UNC45A: variants seen among roughly 807,000 people sequenced by gnomAD.
UNC45A encodes unc-45 myosin chaperone A.
UNC45A carries 78 observed loss-of-function variants against 103.2 expected under a neutral mutation model. The ratio of observed to expected loss-of-function variants is 0.76; its 90% confidence interval spans 0.63 to 0.91. The LOEUF (loss-of-function observed/expected upper bound fraction) is 0.91, where lower values mean the gene tolerates loss of function less well. UNC45A is among the 40% of genes least tolerant of loss of function. UNC45A has a pLI of 0.00. For missense variants in UNC45A, 1,193 were observed against 1,224.8 expected (o/e 0.97, Z 0.39); for synonymous variants, 495 against 504.6 (o/e 0.98, Z 0.25).
rs377017456 is a variant in UNC45A, at chr15:90,941,838, A to T, written c.688-599A>T. ...GCCGGGTGCGGTGGCGGGCGCCTGT[A>T]ATCCCAGTTACTCAGGAGGCTGAGG... On this transcript the variant is annotated intron_variant, in intron 6 of 19. Coordinates refer to ENST00000418476, the MANE Select transcript of UNC45A (RefSeq NM_018671.5). Among the ~76,000 whole-genome samples the T allele has an allele frequency of 9.2e-5, 14 of 152,240 alleles. No individual in the cohort carries two copies. The East Asian group carries it at 2.3e-3, about 25-fold the overall frequency.
upstream of UNC45A, chr15:90,935,033 G>A (rs2035929528): frequency 2.9e-5 from 16 of 557,670 alleles, no homozygotes; most frequent in South Asian, 3.5e-4. Flanking sequence ...TGCTGCGGTC[G>A]GGGCCGGAGT....
In UNC45A at chr15:90,947,947, G is replaced by C. The variant is rs867423451; in HGVS notation, c.1595+57G>C. On this transcript the variant is annotated intron_variant, in intron 11 of 19. Coordinates refer to ENST00000418476, the MANE Select transcript of UNC45A (RefSeq NM_018671.5). ...CCTGTGGGGTAGATCTCAAGACACA[G>C]GGGTCTGGGTGGGGGTTGGGGCCTC... 1.4e-5 allele frequency: 21 copies of C among 1,539,992 alleles called. No homozygotes were observed. The Middle Eastern group carries it at 6.7e-4, about 49-fold the overall frequency.
chr15:90,950,910 A>ATAG (rs2036870670), intron 17 of UNC45A, among the ~76,000 whole-genome samples: 1 of 152,250 alleles, frequency 6.6e-6, no homozygotes, highest in Admixed American at 6.5e-5. Context: ...TACCTACCTC[A>ATAG]TGGCATAGTG....
At position 90,940,351 on chromosome 15, in the gene UNC45A, GAGA is replaced by G. The variant is rs773016928; in HGVS notation, c.569_571del (p.Lys190del). ...GCTGGCCAGGGAGGATGCTGGAGCG[GAGA>G]AGATCTTCCGGAGTAATGGGGTTCA... On this transcript the variant is annotated inframe_deletion, in exon 6 of 20. Transcript: ENST00000418476. 6.6e-5 allele frequency: 106 copies of G among 1,614,166 alleles called. No homozygotes were observed. The Middle Eastern group carries it at 3.1e-3, about 48-fold the overall frequency.
At chr15:90,943,995 T>G (rs1011496852) in intron 8 of UNC45A, among the ~76,000 whole-genome samples, 3 of 147,412 alleles carry the variant, frequency 2.0e-5, no homozygotes, top group Non-Finnish European at 3.0e-5. Context: ...TGTTTTTTTT[T>G]TTTTTTTTTT....
intron 6 of UNC45A, among the ~76,000 whole-genome samples, chr15:90,941,679 G>T (rs1482291306): frequency 6.6e-6 from 1 of 152,026 alleles, no homozygotes; most frequent in African/African-American, 2.4e-5. Flanking sequence ...GGTGGAGAGG[G>T]CCCGGCGCGG....
At position 90,944,954 on chromosome 15, in the gene UNC45A, A is replaced by G. The variant is rs1378707080; in HGVS notation, c.1090A>G (p.Thr364Ala). 1.2e-6 allele frequency: 2 copies of G among 1,612,670 alleles called. No homozygotes were observed. Among genetic ancestry groups the G allele is most frequent in the Non-Finnish European group, 1.7e-6 (2 of 1,180,030 alleles). The part of the protein sequence containing the change: ...LQDPPGELAV[T>A]ANSRMSASIL... ...GGACCCTCCTGGGGAGCTCGCAGTG[A>G]CCGCAAACAGCCGCATGAGCGCCTC... Residue 364 changes from threonine to alanine, a missense_variant, in exon 9 of 20, where the codon ACC (threonine) becomes GCC (alanine). Coordinates refer to ENST00000418476, the MANE Select transcript of UNC45A (RefSeq NM_018671.5).
In UNC45A at chr15:90,940,086, G is replaced by T. The variant is rs1158822585; in HGVS notation, c.520-220G>T. ...CTGAGGCACTGTCCCAGCCCCTCAG[G>T]CTCTGCTGGGGACTCATTTGCTCTA... On this transcript the variant is annotated intron_variant, in intron 5 of 19. Transcript: ENST00000418476. Among the ~76,000 whole-genome samples, 3 of 152,250 alleles carry T rather than the reference G, an allele frequency of 2.0e-5. No individual in the cohort carries two copies. In the East Asian group the frequency reaches 5.8e-4, roughly 29 times the overall value.
upstream of UNC45A, chr15:90,931,155 T>C (rs2035775105): frequency 8.1e-7 from 1 of 1,241,302 alleles, no homozygotes; most frequent in Non-Finnish European, 1.1e-6. Context: ...AAGTCTTTTT[T>C]TGGCCTCTAA....
chr15:90,940,903 AC>A (rs200948462), intron 6 of UNC45A: 1,561 of 153,642 alleles, frequency 0.01, 29 homozygotes, highest in African/African-American at 0.036. Flanking sequence ...ACAGAGCGAG[AC>A]TATCTCAGAA....
intron 6 of UNC45A, 101 bp from the exon 7 acceptor site, chr15:90,942,336 A>T: frequency 7.3e-7 from 1 of 1,375,700 alleles, no homozygotes; most frequent in Non-Finnish European, 9.8e-7. Context: ...CTTCCACCCA[A>T]TTCTCTCCTT....
upstream of UNC45A, chr15:90,931,121 G>T: frequency 1.2e-6 from 1 of 857,606 alleles, no homozygotes; most frequent in Non-Finnish European, 1.8e-6. Flanking sequence ...GTTAGCAGGA[G>T]ACCTTCAGAC....
intron 4 of UNC45A, 26 bp from the exon 5 acceptor site, chr15:90,939,705 G>T (rs12440774): frequency 2.5e-6 from 4 of 1,613,108 alleles, no homozygotes; most frequent in Non-Finnish European, 1.7e-6. Flanking sequence ...GCCGTGATTT[G>T]TTCCATGCTT....
At position 90,936,380 on chromosome 15, in the gene UNC45A, C is replaced by T. The variant is rs11542714; in HGVS notation, c.346C>T (p.Gln116Ter). 1 of 1,614,224 alleles carries T rather than the reference C, an allele frequency of 6.2e-7. No individual in the cohort carries two copies. Among genetic ancestry groups the T allele is most frequent in the Non-Finnish European group, 8.5e-7 (1 of 1,180,042 alleles). ...CCTGGACCAGGCTGTCCTTGACCTG[C>T]AGAGATGTGTGAGCTTGGAGCCCAA... The part of the protein sequence containing the change: ...GRLDQAVLDL[Q>*]RCVSLEPKNK... Residue 116 changes from glutamine to a stop codon, truncating the protein, a stop_gained, in exon 4 of 20, where the codon CAG becomes TAG. Coordinates refer to ENST00000418476, the MANE Select transcript of UNC45A (RefSeq NM_018671.5). LOFTEE classifies it high-confidence loss of function.
At chr15:90,947,980 C>A in intron 11 of UNC45A, 90 bp downstream of exon 11, 1 of 1,423,380 alleles carries the variant, frequency 7.0e-7, no homozygotes, top group Non-Finnish European at 9.7e-7. Flanking sequence ...CTCCTCCGTC[C>A]TGCTCTCTGG....
rs762064290 is a variant in UNC45A, at chr15:90,942,967, G to A, written c.912G>A (p.Glu304=). ...LISNLLDLLT[E]VGVSGQGRDN... is the part of the protein sequence containing the mutation. The stretch of plus-strand genomic sequence containing the variant: ...GTAACCTCTTAGATCTGCTGACAGA[G>A]GTGGGGGTCTCTGGCCAAGGCCGAG... Residue 304 remains glutamate, a synonymous_variant, in exon 8 of 20, where the codon GAG becomes GAA. Coordinates refer to ENST00000418476, the MANE Select transcript of UNC45A (RefSeq NM_018671.5). 24 of 1,614,180 alleles carry A rather than the reference G, an allele frequency of 1.5e-5. No homozygotes were observed. Among genetic ancestry groups the A allele is most frequent in the Non-Finnish European group, 2.0e-5 (24 of 1,180,010 alleles).
At chr15:90,937,244 G>A (rs112549472) in intron 4 of UNC45A, among the ~76,000 whole-genome samples, 3,836 of 152,248 alleles carry the variant, frequency 0.025, 163 homozygotes, top group African/African-American at 0.088. Flanking sequence ...TACCTGTGAG[G>A]CTGAGGCAGG....
Position 90,946,712 on chromosome 15 carries a change from T to G in UNC45A, c.1298T>G (p.Leu433Trp). Residue 433 changes from leucine to tryptophan, a missense_variant, in exon 10 of 20, where the codon TTG (leucine) becomes TGG (tryptophan). Leu to Trp is a moderately conservative substitution (Grantham distance 61). Transcript: ENST00000418476. ...QGPCDAGNRA[L>W]ELSGVMESVI... is the part of the protein sequence containing the mutation. ...CCATGTGACGCTGGCAACCGGGCCT[T>G]GGAGCTGAGCGGTGTCATGGAGAGT... 6.2e-7 allele frequency: 1 copy of G among 1,613,274 alleles called. No individual in the cohort carries two copies. Among genetic ancestry groups the G allele is most frequent in the Non-Finnish European group, 8.5e-7 (1 of 1,180,012 alleles).
At chr15:90,944,114 T>A (rs2036439315) in intron 8 of UNC45A, among the ~76,000 whole-genome samples, 1 of 146,912 alleles carries the variant, frequency 6.8e-6, no homozygotes, top group Non-Finnish European at 1.5e-5. Flanking sequence ...GAGCTGGGCG[T>A]GGTGCCTCAC....
Sources: allele counts gnomAD v4.1 joint callset (sites outside exome capture counted in the v4.1 genomes callset), GRCh38; gene constraint gnomAD v4.1.1; transcripts MANE v1.5; gene names NCBI Gene and HGNC (gene_info 2026-07-23, HGNC 2026-07-21).